Variants in NKAIN2 observed in about 807,000 individuals in gnomAD.
The protein encoded by NKAIN2 is sodium/potassium-transporting ATPase subunit beta-1-interacting protein 2.
Under a neutral mutation model 32.6 loss-of-function variants are expected in NKAIN2, and 14 were observed. The observed-to-expected ratio is 0.43, with a 90% CI of 0.28 to 0.67. NKAIN2 has a LOEUF of 0.67. Among genes scored for constraint, NKAIN2 ranks in the 30% least tolerant of loss-of-function variants. NKAIN2 has a pLI of 0.17. For synonymous variants in NKAIN2, 80 were observed against 87.2 expected, an observed-to-expected ratio of 0.92 and a Z score of 0.46; for missense variants, 198 against 258.3, an observed-to-expected ratio of 0.77 and a Z score of 1.60.
intron 3 of NKAIN2, among the ~76,000 whole-genome samples, chr6:124,433,891 T>C (rs570943864): frequency 2.2e-4 from 33 of 152,306 alleles, no homozygotes; most frequent in African/African-American, 7.5e-4. Flanking sequence ...TTGTTTGTTT[T>C]TGCTGCTCCG....
chr6:124,776,506 C>T (rs551270482), intron 4 of NKAIN2, among the ~76,000 whole-genome samples: 1 of 152,262 alleles, frequency 6.6e-6, no homozygotes, highest in East Asian at 1.9e-4. Flanking sequence ...TCATTCCAGT[C>T]TGTAGTCTAC....
At chr6:124,048,233 C>G (rs1251488382) in intron 1 of NKAIN2, among the ~76,000 whole-genome samples, 1 of 151,924 alleles carries the variant, frequency 6.6e-6, no homozygotes, top group African/African-American at 2.4e-5. Flanking sequence ...TTAAGCTACA[C>G]TCTAAATGCA....
chr6:123,967,970 G>T (rs957481728), intron 1 of NKAIN2, among the ~76,000 whole-genome samples: 1 of 152,152 alleles, frequency 6.6e-6, no homozygotes, highest in African/African-American at 2.4e-5. Context: ...GAGGGTTCAG[G>T]TGCCTCTCAG....
chr6:123,835,973 A>G (rs1484719087), intron 1 of NKAIN2, among the ~76,000 whole-genome samples: 1 of 152,136 alleles, frequency 6.6e-6, no homozygotes, highest in Non-Finnish European at 1.5e-5. Flanking sequence ...CTTCTCTACA[A>G]TATTATTGGA....
At chr6:124,176,475 GC>G (rs1261597063) in intron 1 of NKAIN2, among the ~76,000 whole-genome samples, 2 of 151,912 alleles carry the variant, frequency 1.3e-5, no homozygotes, top group Non-Finnish European at 2.9e-5. Flanking sequence ...GCTTTCTCTT[GC>G]CCAATTGCTT....
intron 3 of NKAIN2, among the ~76,000 whole-genome samples, chr6:124,483,327 T>C (rs896239886): frequency 6.6e-6 from 1 of 152,188 alleles, no homozygotes; most frequent in Admixed American, 6.5e-5. Flanking sequence ...CTATGTGCCA[T>C]ACATTTTGCT....
In NKAIN2 at chr6:123,959,925, ATGTGTGTGTGTGTGTGTG is replaced by A. The variant is rs6149793; in HGVS notation, c.54+155701_54+155718del. On this transcript the variant is annotated intron_variant, in intron 1 of 6. Coordinates refer to ENST00000368417, the MANE Select transcript of NKAIN2 (RefSeq NM_001040214.3). The stretch of plus-strand genomic sequence containing the variant: ...GCAGAAGGAAATATGTCTTCCATAT[ATGTGTGTGTGTGTGTGTG>A]TGTGTGTGTGTGTGTGTGTGTGTGT... 8.1e-3 allele frequency among the ~76,000 whole-genome samples: 1,144 copies of A among 141,358 alleles called. 9 individuals carry two copies. Among genetic ancestry groups the A allele is most frequent in the East Asian group, 0.021 (96 of 4,608 alleles). 92.7% of individuals were successfully genotyped at this position (141,358 alleles called of 152,430 possible). A position where few individuals can be genotyped will look rare whatever the true frequency, so the allele number is the denominator to read the frequency against.
At chr6:124,734,156 T>C (rs1162958290) in intron 4 of NKAIN2, among the ~76,000 whole-genome samples, 1 of 151,556 alleles carries the variant, frequency 6.6e-6, no homozygotes, top group Non-Finnish European at 1.5e-5. Context: ...AAGAGTCTTA[T>C]TGGCCAAAGT....
At chr6:124,064,324 G>A (rs1400730922) in intron 1 of NKAIN2, among the ~76,000 whole-genome samples, 1 of 151,978 alleles carries the variant, frequency 6.6e-6, no homozygotes, top group African/African-American at 2.4e-5. Flanking sequence ...AAAAATATTT[G>A]TGCTTTTGCT....
At chr6:124,015,414 G>C (rs577930489) in intron 1 of NKAIN2, among the ~76,000 whole-genome samples, 1 of 152,148 alleles carries the variant, frequency 6.6e-6, no homozygotes, top group African/African-American at 2.4e-5. Flanking sequence ...GATAGTTTCT[G>C]TAGGGCTTCT....
intron 3 of NKAIN2, among the ~76,000 whole-genome samples, chr6:124,413,765 ATTTACCCC>A (rs1774331857): frequency 6.6e-6 from 1 of 152,112 alleles, no homozygotes; most frequent in Non-Finnish European, 1.5e-5. Flanking sequence ...CATTTGTTGA[ATTTACCCC>A]TAAATATTTC....
chr6:124,527,399 C>T (rs1779359752), intron 3 of NKAIN2, among the ~76,000 whole-genome samples: 1 of 152,104 alleles, frequency 6.6e-6, no homozygotes, highest in Admixed American at 6.6e-5. Context: ...GTTCTACTTT[C>T]CAAAACACAC....
intron 3 of NKAIN2, among the ~76,000 whole-genome samples, chr6:124,385,060 C>T (rs1218579490): frequency 6.6e-6 from 1 of 152,088 alleles, no homozygotes; most frequent in Non-Finnish European, 1.5e-5. Context: ...CCTGAAATTG[C>T]AAGAATAGAT....
chr6:124,737,013 C>A (rs144277911), intron 4 of NKAIN2, among the ~76,000 whole-genome samples: 1 of 151,660 alleles, frequency 6.6e-6, no homozygotes, highest in African/African-American at 2.4e-5. Flanking sequence ...GAAGATTTTC[C>A]TTTTTATTCT....
intron 3 of NKAIN2, among the ~76,000 whole-genome samples, chr6:124,626,242 G>T (rs1783338173): frequency 1.3e-5 from 2 of 151,830 alleles, no homozygotes; most frequent in South Asian, 2.1e-4. Flanking sequence ...TGGAAATATA[G>T]TAAGTGGGGT....
chr6:124,612,375 T>C (rs1782725050), intron 3 of NKAIN2, among the ~76,000 whole-genome samples: 1 of 152,196 alleles, frequency 6.6e-6, no homozygotes, highest in African/African-American at 2.4e-5. Flanking sequence ...ATTAAACTCA[T>C]ATAACTAATA....
intron 1 of NKAIN2, among the ~76,000 whole-genome samples, chr6:123,950,644 G>C (rs1032621736): frequency 3.3e-5 from 5 of 151,598 alleles, no homozygotes; most frequent in African/African-American, 1.2e-4. Flanking sequence ...AGTTGTAATG[G>C]CTCCTTTTTC....
At chr6:124,371,187 T>G (rs1014944812) in intron 3 of NKAIN2, among the ~76,000 whole-genome samples, 2 of 152,106 alleles carry the variant, frequency 1.3e-5, no homozygotes, top group African/African-American at 4.8e-5. Context: ...TCAATAAATA[T>G]AAAGCTAGAA....
At chr6:124,201,399 C>A (rs1415632094) in intron 1 of NKAIN2, among the ~76,000 whole-genome samples, 1 of 151,958 alleles carries the variant, frequency 6.6e-6, no homozygotes, top group Non-Finnish European at 1.5e-5. Context: ...CATTAAAATT[C>A]AAGTCAGCAC....
Sources: allele counts gnomAD v4.1 joint callset (sites outside exome capture counted in the v4.1 genomes callset), GRCh38; gene constraint gnomAD v4.1.1; transcripts MANE v1.5; gene names NCBI Gene and HGNC (gene_info 2026-07-23, HGNC 2026-07-21).